The following TMCO5A variants were observed in gnomAD, a reference collection of about 807,000 sequenced individuals.
TMCO5A encodes the protein transmembrane and coiled-coil domain-containing protein 5A.
In TMCO5A, 34 loss-of-function variants were observed where a neutral mutation model predicts 42.3. The observed-to-expected ratio is 0.80, with a 90% CI of 0.61 to 1.07. TMCO5A has a LOEUF of 1.07. Ranked by LOEUF, TMCO5A falls within the 50% of genes least tolerant of loss-of-function variation. The pLI, the probability that TMCO5A is intolerant of heterozygous loss-of-function variation, is 0.00. For missense variants in TMCO5A, 357 were observed against 327.9 expected (o/e 1.09, Z -0.69); for synonymous variants, 131 against 115.6 (o/e 1.13, Z -0.86).
intron 11 of TMCO5A, among the ~76,000 whole-genome samples, chr15:37,957,474 G>A (rs1890320362): frequency 6.6e-6 from 1 of 152,172 alleles, no homozygotes; most frequent in Middle Eastern, 3.4e-3. Context: ...AATCATGAGT[G>A]AACTCCCATT....
the TMCO5A span, among the ~76,000 whole-genome samples, chr15:38,023,404 C>T: frequency 6.6e-6 from 1 of 152,132 alleles, no homozygotes; most frequent in Non-Finnish European, 1.5e-5. Context: ...GTCTTCAGAC[C>T]TCTCAATATG....
the TMCO5A span, among the ~76,000 whole-genome samples, chr15:37,977,452 C>G: frequency 6.6e-6 from 1 of 152,136 alleles, no homozygotes; most frequent in African/African-American, 2.4e-5. Context: ...AATTCTTGTC[C>G]TTGGTTTCAC....
downstream of TMCO5A, among the ~76,000 whole-genome samples, chr15:37,954,037 A>C (rs1890226604): frequency 1.3e-5 from 2 of 152,036 alleles, no homozygotes; most frequent in Admixed American, 1.3e-4. Flanking sequence ...GAAAAAAATA[A>C]AATAAAAAAC....
the TMCO5A span, among the ~76,000 whole-genome samples, chr15:37,997,329 T>G: frequency 6.6e-6 from 1 of 152,250 alleles, no homozygotes; most frequent in African/African-American, 2.4e-5. Flanking sequence ...AAAATGCAAA[T>G]ATTTTTAAAT....
chr15:38,030,937 G>C, the TMCO5A span, among the ~76,000 whole-genome samples: 5 of 152,194 alleles, frequency 3.3e-5, no homozygotes, highest in Admixed American at 6.5e-5. Context: ...ATCTTGCTGA[G>C]GTATAATTGC....
chr15:38,018,741 A>C, the TMCO5A span, among the ~76,000 whole-genome samples: 1 of 150,814 alleles, frequency 6.6e-6, no homozygotes, highest in Non-Finnish European at 1.5e-5. Flanking sequence ...TCAGATTAAA[A>C]GGGTTCAGTA....
chr15:38,015,401 C>G, the TMCO5A span, among the ~76,000 whole-genome samples: 1 of 152,160 alleles, frequency 6.6e-6, no homozygotes, highest in Non-Finnish European at 1.5e-5. Flanking sequence ...ACACTGACAA[C>G]ACCAAGTGCT....
At chr15:38,033,539 G>A in the TMCO5A span, among the ~76,000 whole-genome samples, 2 of 150,890 alleles carry the variant, frequency 1.3e-5, no homozygotes, top group South Asian at 4.2e-4. Flanking sequence ...GCTTCAAAAA[G>A]GCACTATATT....
the TMCO5A span, among the ~76,000 whole-genome samples, chr15:37,973,196 C>A: frequency 1.4e-5 from 2 of 146,898 alleles, no homozygotes; most frequent in African/African-American, 5.2e-5. Flanking sequence ...GTTACTGTAA[C>A]CTTGTAGTAT....
chr15:38,007,857 G>A, the TMCO5A span, among the ~76,000 whole-genome samples: 1 of 116,590 alleles, frequency 8.6e-6, no homozygotes, highest in Non-Finnish European at 1.7e-5. Flanking sequence ...TTCTGAGGGT[G>A]TAAACTCACC....
the TMCO5A span, chr15:38,020,523 G>A: frequency 3.3e-5 from 5 of 152,180 alleles, no homozygotes; most frequent in Non-Finnish European, 5.9e-5. Flanking sequence ...CACCCAAGGG[G>A]AGATAAGAGG....
chr15:37,936,381 C>T lies in TMCO5A; in HGVS notation c.58C>T (p.Leu20Phe). 1.9e-6 allele frequency: 3 copies of T among 1,613,062 alleles called. No individual in the cohort carries two copies. The highest frequency in any genetic ancestry group is 2.5e-6 in the Non-Finnish European group (3 of 1,179,410). The change falls in exon 3 of 12, where the codon CTT (leucine) becomes TTT (phenylalanine). Residue 20 changes from leucine to phenylalanine, a missense_variant. Leu to Phe is a conservative substitution (Grantham distance 22). Coordinates refer to ENST00000319669, the MANE Select transcript of TMCO5A (RefSeq NM_152453.4). ...KRNIISLNMD[L>F]ERDTQRIDEA... ...AAACATTATCAGTTTGAACATGGAC[C>T]TTGAAAGGGATACGCAGAGAATAGA...
chr15:37,984,664 C>A, the TMCO5A span: 1 of 140,766 alleles, frequency 7.1e-6, no homozygotes, highest in Non-Finnish European at 1.5e-5. Flanking sequence ...AAAAAAGAGG[C>A]TGCAGAGAAC....
At chr15:38,016,814 G>A in the TMCO5A span, among the ~76,000 whole-genome samples, 34 of 152,166 alleles carry the variant, frequency 2.2e-4, no homozygotes, top group Admixed American at 6.5e-4. Flanking sequence ...GTTTATCTGG[G>A]TTTATTCACA....
the TMCO5A span, among the ~76,000 whole-genome samples, chr15:38,038,355 A>C: frequency 1.3e-5 from 2 of 151,556 alleles, no homozygotes; most frequent in Non-Finnish European, 2.9e-5. Flanking sequence ...GCAGAACAAA[A>C]TTTTGCTTTG....
chr15:38,012,584 T>C, the TMCO5A span, among the ~76,000 whole-genome samples: 1 of 152,048 alleles, frequency 6.6e-6, no homozygotes, highest in Admixed American at 6.5e-5. Flanking sequence ...TTGCACTGCT[T>C]TTAGATGTTA....
the TMCO5A span, among the ~76,000 whole-genome samples, chr15:38,038,474 C>T: frequency 6.6e-4 from 100 of 150,794 alleles, no homozygotes; most frequent in African/African-American, 2.3e-3. Context: ...GCTGCGATCT[C>T]GGCTCACTGC....
At chr15:37,978,515 GGGT>G in the TMCO5A span, among the ~76,000 whole-genome samples, 8 of 152,142 alleles carry the variant, frequency 5.3e-5, no homozygotes, top group African/African-American at 1.9e-4. Context: ...CCTCTCCATA[GGGT>G]GGCTATGACA....
chr15:37,948,316 A>G (rs893683493), intron 11 of TMCO5A, among the ~76,000 whole-genome samples: 1 of 152,138 alleles, frequency 6.6e-6, no homozygotes, highest in Admixed American at 6.6e-5. Context: ...TATTCAATAT[A>G]ATCTGTTTAA....
Sources: gnomAD v4.1 joint callset for allele counts (sites outside exome capture counted in the v4.1 genomes callset) on GRCh38, gnomAD v4.1.1 for gene constraint, MANE v1.5 for transcripts, NCBI Gene and HGNC (gene_info 2026-07-23, HGNC 2026-07-21) for gene names.